GALNT17: variants seen among roughly 807,000 people sequenced by gnomAD.
GALNT17 encodes polypeptide N-acetylgalactosaminyltransferase 17.
Under a neutral mutation model 63.7 loss-of-function variants are expected in GALNT17, and 29 were observed. That is an observed-to-expected ratio of 0.46 (90% CI 0.34 to 0.62). The LOEUF is 0.62. Ranked by LOEUF, GALNT17 falls within the 20% of genes least tolerant of loss-of-function variation. The pLI, the probability that GALNT17 is intolerant of heterozygous loss-of-function variation, is 0.01. For synonymous variants in GALNT17, 305 were observed against 318.3 expected (o/e 0.96, Z 0.45); for missense variants, 603 against 799.6 (o/e 0.75, Z 2.97).
chr7:71,694,720 G>T (rs2117101705), intron 9 of GALNT17, among the ~76,000 whole-genome samples: 1 of 152,276 alleles, frequency 6.6e-6, no homozygotes, highest in East Asian at 1.9e-4. Flanking sequence ...AAAAAATAAG[G>T]AAGCAGAGTC....
intron 2 of GALNT17, among the ~76,000 whole-genome samples, chr7:71,355,864 G>T (rs1281991668): frequency 6.6e-6 from 1 of 152,154 alleles, no homozygotes; most frequent in Non-Finnish European, 1.5e-5. Flanking sequence ...CCCTGAGGTT[G>T]AGAAGATGTG....
At chr7:71,309,806 T>A (rs1187886892) in intron 1 of GALNT17, among the ~76,000 whole-genome samples, 1 of 152,176 alleles carries the variant, frequency 6.6e-6, no homozygotes, top group Non-Finnish European at 1.5e-5. Flanking sequence ...TTTAGAATAC[T>A]TATTTCTAAA....
intron 2 of GALNT17, among the ~76,000 whole-genome samples, chr7:71,360,099 T>G (rs1792369923): frequency 6.6e-6 from 1 of 152,232 alleles, no homozygotes; most frequent in African/African-American, 2.4e-5. Context: ...AACTGAAGTA[T>G]TAGGTTGCAC....
intron 5 of GALNT17, among the ~76,000 whole-genome samples, chr7:71,446,653 A>G (rs1338693832): frequency 1.3e-5 from 2 of 152,168 alleles, no homozygotes; most frequent in African/African-American, 4.8e-5. Context: ...GGTTCAAGTG[A>G]TTCTTCTGCT....
intron 1 of GALNT17, among the ~76,000 whole-genome samples, chr7:71,290,191 G>A (rs559664429): frequency 2.0e-5 from 3 of 152,286 alleles, no homozygotes; most frequent in South Asian, 4.2e-4. Context: ...AAAAGAAACC[G>A]TGTACCTATT....
intron 1 of GALNT17, among the ~76,000 whole-genome samples, chr7:71,294,409 C>CTT (rs869086513): frequency 0.025 from 2,283 of 91,834 alleles, 63 homozygotes; most frequent in African/African-American, 0.03. Context: ...CTCATAAGTC[C>CTT]TTTTTTTTTT....
In GALNT17 at chr7:71,132,643, G is replaced by A; in HGVS notation, c.-160G>A. The stretch of plus-strand genomic sequence containing the variant: ...TCCCCACCACCAATCCGACCTCCCA[G>A]CCGTCTCCGCCGCCCGAGCATCCTT... On this transcript the variant is annotated 5_prime_UTR_variant, in exon 1 of 11. Coordinates refer to ENST00000333538, the MANE Select transcript of GALNT17 (RefSeq NM_022479.3). The A allele has an allele frequency of 3.3e-6, 2 of 610,052 alleles. No homozygotes were observed. The highest frequency in any genetic ancestry group is 2.1e-5 in the South Asian group (1 of 48,188). The allele number at this position is 610,052 out of a possible 1,614,324, so 37.8% of individuals were successfully genotyped here. A position where few individuals can be genotyped will look rare whatever the true frequency, so the allele number is the denominator to read the frequency against.
At chr7:71,640,221 T>C (rs17143757) in intron 6 of GALNT17, among the ~76,000 whole-genome samples, 13,783 of 152,284 alleles carry the variant, frequency 0.091, 894 homozygotes, top group African/African-American at 0.19. Context: ...AGACTTCTTA[T>C]TGCTAATGAA....
chr7:71,299,301 G>A (rs192182263), intron 1 of GALNT17, among the ~76,000 whole-genome samples: 1 of 152,286 alleles, frequency 6.6e-6, no homozygotes, highest in East Asian at 1.9e-4. Flanking sequence ...AAATGATTCT[G>A]TCATAAATCC....
intron 5 of GALNT17, among the ~76,000 whole-genome samples, chr7:71,532,586 T>A (rs905413954): frequency 2.6e-5 from 4 of 152,326 alleles, no homozygotes; most frequent in Non-Finnish European, 5.9e-5. Flanking sequence ...CTAGGTTCTA[T>A]GCATAGTTAT....
chr7:71,650,541 A>T (rs1790739261), intron 6 of GALNT17, among the ~76,000 whole-genome samples: 1 of 152,198 alleles, frequency 6.6e-6, no homozygotes, highest in African/African-American at 2.4e-5. Context: ...GCCTGGCCCA[A>T]TTATGCTCTT....
At chr7:71,338,760 G>A (rs138518843) in intron 2 of GALNT17, among the ~76,000 whole-genome samples, 97 of 152,226 alleles carry the variant, frequency 6.4e-4, no homozygotes, top group African/African-American at 2.3e-3. Flanking sequence ...GTGTGTCCTT[G>A]CTTGAAGTAG....
At chr7:71,381,451 T>TG (rs935466476) in intron 2 of GALNT17, among the ~76,000 whole-genome samples, 20 of 152,138 alleles carry the variant, frequency 1.3e-4, no homozygotes, top group African/African-American at 4.8e-4. Flanking sequence ...TGAAGGGTAA[T>TG]GAAATCCAGG....
chr7:71,643,179 C>G (rs1313654264), intron 6 of GALNT17, among the ~76,000 whole-genome samples: 1 of 151,924 alleles, frequency 6.6e-6, no homozygotes, highest in Admixed American at 6.6e-5. Flanking sequence ...TATCAAAACC[C>G]AGCCACAGGC....
chr7:71,373,195 C>G (rs1792658504), intron 2 of GALNT17, among the ~76,000 whole-genome samples: 1 of 152,206 alleles, frequency 6.6e-6, no homozygotes, highest in African/African-American at 2.4e-5. Flanking sequence ...TCTCACTTCA[C>G]TAGCCTTGGA....
chr7:71,658,807 G>T (rs1790865993), intron 6 of GALNT17, among the ~76,000 whole-genome samples: 2 of 152,012 alleles, frequency 1.3e-5, no homozygotes, highest in African/African-American at 4.8e-5. Flanking sequence ...AAAATAGTTT[G>T]AATCTGGGAG....
chr7:71,514,756 G>C (rs971004967), intron 5 of GALNT17, among the ~76,000 whole-genome samples: 3 of 152,130 alleles, frequency 2.0e-5, no homozygotes, highest in Admixed American at 2.0e-4. Context: ...CAAAATTACT[G>C]TCTTGCTTTG....
chr7:71,205,676 G>A (rs1789259307), intron 1 of GALNT17, among the ~76,000 whole-genome samples: 1 of 152,032 alleles, frequency 6.6e-6, no homozygotes, highest in South Asian at 2.1e-4. Flanking sequence ...AAATGAGATT[G>A]TTTTCTTGAT....
chr7:71,378,675 A>G (rs1420769115), intron 2 of GALNT17, among the ~76,000 whole-genome samples: 1 of 152,142 alleles, frequency 6.6e-6, no homozygotes, highest in Non-Finnish European at 1.5e-5. Flanking sequence ...GCATTCTGCC[A>G]GGCTCTAGGG....
Sources: gnomAD v4.1 joint callset for allele counts (sites outside exome capture counted in the v4.1 genomes callset) on GRCh38, gnomAD v4.1.1 for gene constraint, MANE v1.5 for transcripts, NCBI Gene and HGNC (gene_info 2026-07-23, HGNC 2026-07-21) for gene names.